The following TMEM117 variants were observed in gnomAD, a reference collection of about 807,000 sequenced individuals.
TMEM117 encodes transmembrane protein 117.
In TMEM117, 27 loss-of-function variants were observed where a neutral mutation model predicts 52.4. The ratio of observed to expected loss-of-function variants is 0.51; its 90% CI spans 0.38 to 0.71. The LOEUF is 0.71. Among genes scored for constraint, TMEM117 ranks in the 30% least tolerant of loss-of-function variants. The pLI is 0.00. For missense variants in TMEM117, 556 were observed against 630.5 expected (o/e 0.88, Z 1.26); for synonymous variants, 215 against 206.3 (o/e 1.04, Z -0.36).
chr12:43,901,022 T>C (rs1944295604), intron 2 of TMEM117, among the ~76,000 whole-genome samples: 1 of 152,354 alleles, frequency 6.6e-6, no homozygotes, highest in East Asian at 1.9e-4. Flanking sequence ...TCAACCTTCA[T>C]TGCTTACTTA....
intron 3 of TMEM117, among the ~76,000 whole-genome samples, chr12:43,970,478 C>G (rs1376650119): frequency 6.6e-6 from 1 of 151,918 alleles, no homozygotes; most frequent in African/African-American, 2.4e-5. Flanking sequence ...TTAGTAGAGA[C>G]AGGGTTTCGC....
At chr12:44,056,936 T>C (rs1947065226) in intron 3 of TMEM117, among the ~76,000 whole-genome samples, 1 of 152,104 alleles carries the variant, frequency 6.6e-6, no homozygotes, top group Admixed American at 6.6e-5. Context: ...CCCACCTATA[T>C]GTAGGGAAAA....
chr12:43,941,812 GC>G (rs1945049205), intron 2 of TMEM117, among the ~76,000 whole-genome samples: 1 of 152,184 alleles, frequency 6.6e-6, no homozygotes, highest in East Asian at 1.9e-4. Context: ...CAGACGATGA[GC>G]TTGGCAGTGA....
intron 5 of TMEM117, among the ~76,000 whole-genome samples, chr12:44,287,161 C>A (rs1950648686): frequency 6.6e-6 from 1 of 152,086 alleles, no homozygotes; most frequent in Non-Finnish European, 1.5e-5. Flanking sequence ...TTTCTATTAA[C>A]CTAAGAGGTA....
chr12:43,795,829 A>G, the TMEM117 span: 1 of 1,439,436 alleles, frequency 6.9e-7, no homozygotes, highest in East Asian at 2.3e-5. Flanking sequence ...AGGTATATGA[A>G]TGCTCACAAA....
In TMEM117 at chr12:44,388,152, C is replaced by T; in HGVS notation, c.1025C>T (p.Thr342Ile). The change falls in exon 8 of 8, where the codon ACA becomes ATA. Residue 342 changes from threonine to isoleucine, a missense_variant. By Grantham distance (89) the Thr-to-Ile change is moderately conservative. This residue lies in a region of TMEM117 where 206 missense variants were observed against 211.1 expected (regional missense o/e 0.98). Coordinates refer to ENST00000266534, the MANE Select transcript of TMEM117 (RefSeq NM_032256.3). ...QYIGPGQKIYTVKDSESLKDL... is the reference protein window; with the variant it reads ...QYIGPGQKIYIVKDSESLKDL... ...ATCGGCCCGGGGCAGAAGATATATA[C>T]AGTGAAAGACTCAGAAAGTTTAAAA... is the stretch of plus-strand genomic sequence containing the variant. 6.2e-7 allele frequency: 1 copy of T among 1,613,124 alleles called. No individual in the cohort carries two copies. The highest frequency in any genetic ancestry group is 8.5e-7 in the Non-Finnish European group (1 of 1,179,552).
At chr12:43,882,412 A>G (rs2137454119) in intron 2 of TMEM117, among the ~76,000 whole-genome samples, 1 of 149,574 alleles carries the variant, frequency 6.7e-6, no homozygotes, top group Non-Finnish European at 1.5e-5. Context: ...GTGAGCCAAG[A>G]TCACACCATT....
At chr12:44,329,298 A>G (rs1310782123) in intron 6 of TMEM117, among the ~76,000 whole-genome samples, 1 of 152,108 alleles carries the variant, frequency 6.6e-6, no homozygotes, top group African/African-American at 2.4e-5. Context: ...TGGCTGCCCC[A>G]CTAAACACAC....
intron 4 of TMEM117, among the ~76,000 whole-genome samples, chr12:44,170,879 A>G (rs1221307716): frequency 2.6e-5 from 4 of 152,208 alleles, no homozygotes; most frequent in African/African-American, 4.8e-5. Context: ...CAATTATGCA[A>G]TCAGGAAACT....
chr12:44,382,740 AGTT>A (rs1374780821), intron 7 of TMEM117, among the ~76,000 whole-genome samples: 1 of 152,204 alleles, frequency 6.6e-6, no homozygotes, highest in Non-Finnish European at 1.5e-5. Context: ...CACTTTGAGA[AGTT>A]GTATCAGTTT....
chr12:43,897,546 C>T (rs1477890750), intron 2 of TMEM117, among the ~76,000 whole-genome samples: 1 of 151,888 alleles, frequency 6.6e-6, no homozygotes, highest in East Asian at 1.9e-4. Flanking sequence ...ATCTCTTGAA[C>T]TCGTGATCCG....
intron 3 of TMEM117, among the ~76,000 whole-genome samples, chr12:44,035,519 G>T (rs1335693224): frequency 6.6e-6 from 1 of 152,188 alleles, no homozygotes; most frequent in African/African-American, 2.4e-5. Flanking sequence ...TGTATATGTA[G>T]AATTGACTGA....
chr12:44,107,132 C>A (rs983688606), intron 3 of TMEM117, among the ~76,000 whole-genome samples: 2 of 151,978 alleles, frequency 1.3e-5, no homozygotes, highest in African/African-American at 4.8e-5. Context: ...AATAAATTAT[C>A]TCACTTAGTT....
rs56170922 is a variant in TMEM117 at position 43,912,507 on chromosome 12, T to TTATATATATATATATATATA, written c.278-31693_278-31674dup. Among the ~76,000 whole-genome samples the TTATATATATATATATATATA allele has an allele frequency of 5.0e-3, 654 of 131,676 alleles. 35 individuals are homozygous for TTATATATATATATATATATA. Among genetic ancestry groups the TTATATATATATATATATATA allele is most frequent in the African/African-American group, 0.019 (462 of 24,802 alleles). 86.4% of individuals were successfully genotyped at this position (131,676 alleles called of 152,430 possible). A position where few individuals can be genotyped will look rare whatever the true frequency, so the allele number is the denominator to read the frequency against. On this transcript the variant is annotated intron_variant, in intron 2 of 7. Transcript: ENST00000266534. ...AAACTTAAAGTATAATAATAATAAT[T>TTATATATATATATATATATA]TATATATATATATATATATATATAT...
chr12:44,257,457 G>A (rs1418879045), intron 5 of TMEM117, among the ~76,000 whole-genome samples: 4 of 152,084 alleles, frequency 2.6e-5, no homozygotes, highest in Non-Finnish European at 5.9e-5. Flanking sequence ...AGTAGAGGAA[G>A]GACCTTGCCT....
chr12:43,889,072 C>G (rs1316149189), intron 2 of TMEM117, among the ~76,000 whole-genome samples: 1 of 146,402 alleles, frequency 6.8e-6, no homozygotes, highest in Admixed American at 6.8e-5. Context: ...TTTAGATCCT[C>G]AGGCGTTGGA....
chr12:44,033,215 C>G (rs1475608618), intron 3 of TMEM117, among the ~76,000 whole-genome samples: 1 of 152,160 alleles, frequency 6.6e-6, no homozygotes, highest in Non-Finnish European at 1.5e-5. Context: ...GGAAATTACC[C>G]TGTATGGTCT....
At chr12:44,108,919 CT>C (rs1378682050) in intron 3 of TMEM117, among the ~76,000 whole-genome samples, 1 of 4,426 alleles carries the variant, frequency 2.3e-4, no homozygotes. Flanking sequence ...GAGATGATAT[CT>C]CATAGTGGTT....
intron 3 of TMEM117, among the ~76,000 whole-genome samples, chr12:44,130,013 C>T (rs1948388478): frequency 6.6e-6 from 1 of 152,174 alleles, no homozygotes; most frequent in Non-Finnish European, 1.5e-5. Context: ...TCTTCTACTT[C>T]CTTTTGTGGC....
Sources: gnomAD v4.1 joint callset for allele counts (sites outside exome capture counted in the v4.1 genomes callset) on GRCh38, gnomAD v4.1.1 for gene constraint, gnomAD v4.1.1 regional missense constraint, MANE v1.5 for transcripts, NCBI Gene and HGNC (gene_info 2026-07-23, HGNC 2026-07-21) for gene names.